The following MACF1 variants were observed in gnomAD, a reference collection of about 807,000 sequenced individuals.
The protein encoded by MACF1 is microtubule actin crosslinking factor 1.
MACF1 carries 193 observed loss-of-function variants against 854.8 expected under a neutral mutation model. That is an observed-to-expected ratio of 0.23 (90% CI 0.20 to 0.25). The LOEUF is 0.25. Among genes scored for constraint, MACF1 ranks in the 10% least tolerant of loss-of-function variants. The pLI, the probability that MACF1 is intolerant of heterozygous loss-of-function variation, is 1.00. For missense variants in MACF1, 7,722 were observed against 8,929.1 expected, an observed-to-expected ratio of 0.86 and a Z score of 5.45; for synonymous variants, 3,185 against 3,226.7, an observed-to-expected ratio of 0.99 and a Z score of 0.44.
Position 39,353,237 on chromosome 1 carries a change from G to A in MACF1, c.11424+6G>A, listed in dbSNP as rs1569651493. On this transcript the variant is annotated splice_donor_region_variant and intron_variant, in intron 44 of 100. Transcript: ENST00000564288. Reference sequence around the variant, plus strand: ...AGCAATGTGAGATGATGAAGGTAAGGGTGTTAGCTTATCCTCACTATGCTA... The same window carrying A: ...AGCAATGTGAGATGATGAAGGTAAGAGTGTTAGCTTATCCTCACTATGCTA... 2 of 1,587,586 alleles carry A rather than the reference G, an allele frequency of 1.3e-6. No homozygotes were observed. The highest frequency in any genetic ancestry group is 1.7e-5 in the Admixed American group (1 of 59,352).
At chr1:39,154,703 C>T (rs1029406924) in intron 2 of MACF1, among the ~76,000 whole-genome samples, 3 of 151,288 alleles carry the variant, frequency 2.0e-5, no homozygotes, top group African/African-American at 7.3e-5. Flanking sequence ...TGGGCTCTGT[C>T]CTTGAGCAGG....
chr1:39,458,412 C>T lies in MACF1; in HGVS notation c.21118C>T (p.Arg7040Trp), dbSNP rs955313721. ...GACTCGCAAACAGCCTGACGTGGAC[C>T]GGGTCACCAAGACATACAAAAGGAA... ...EMTRKQPDVDRVTKTYKRKNI... is the reference protein window; with the variant it reads ...EMTRKQPDVDWVTKTYKRKNI... The change falls in exon 90 of 101, where the codon CGG becomes TGG. Residue 7040 changes from arginine (R) to tryptophan (W), a missense_variant. This residue lies in a region of MACF1 where 729 missense variants were observed against 900.5 expected (regional missense o/e 0.81). Transcript: ENST00000564288. 1.1e-5 allele frequency: 17 copies of T among 1,613,822 alleles called. No individual in the cohort carries two copies. The highest frequency in any genetic ancestry group is 1.3e-5 in the African/African-American group (1 of 74,856).
rs544919219 is a variant in MACF1, at chr1:39,102,820, G to C, written c.220+18382G>C. ...AAGACCAAAAGGAGAAAGCCTCAGA[G>C]CTTTTGCGACTGTGTGGTCTGGCTA... On this transcript the variant is annotated intron_variant, in intron 2 of 93. Transcript: ENST00000361689. 60 of 702,580 alleles carry C rather than the reference G, an allele frequency of 8.5e-5. No individual in the cohort carries two copies. In the East Asian group the frequency reaches 1.5e-3, roughly 18 times the overall value. The allele number at this position is 702,580 out of a possible 1,614,324, so 43.5% of individuals were successfully genotyped here.
At chr1:39,192,446 T>C (rs958532110) in intron 2 of MACF1, among the ~76,000 whole-genome samples, 5 of 152,190 alleles carry the variant, frequency 3.3e-5, no homozygotes, top group African/African-American at 7.2e-5. Context: ...GACGATCCTG[T>C]TGAGGCAGCC....
At chr1:39,187,925 CT>C (rs1644197646) in intron 2 of MACF1, among the ~76,000 whole-genome samples, 1 of 143,878 alleles carries the variant, frequency 7.0e-6, no homozygotes, top group South Asian at 2.3e-4. Context: ...TTCCTTCCTT[CT>C]TTCCCCTTTC....
chr1:39,349,362 C>CCA (rs1200320600), intron 41 of MACF1, 116 bp from the exon 42 acceptor site: 1 of 1,043,116 alleles, frequency 9.6e-7, no homozygotes, highest in Non-Finnish European at 1.4e-6. Flanking sequence ...TTCTAGTCTC[C>CCA]CACCAACTTT....
At chr1:39,402,009 C>G (rs1042197431) in intron 58 of MACF1, among the ~76,000 whole-genome samples, 1 of 152,142 alleles carries the variant, frequency 6.6e-6, no homozygotes, top group Non-Finnish European at 1.5e-5. Flanking sequence ...GTCAGGAGTT[C>G]AAAACTAGCC....
chr1:39,298,377 G>A, intron 21 of MACF1, among the ~76,000 whole-genome samples: 1 of 152,240 alleles, frequency 6.6e-6, no homozygotes, highest in East Asian at 1.9e-4. Context: ...TATTTCTTCA[G>A]GAGTGCTGGT....
At chr1:39,249,792 T>C (rs1645020575) in intron 2 of MACF1, 1 of 420,816 alleles carries the variant, frequency 2.4e-6, no homozygotes, top group South Asian at 3.0e-5. Flanking sequence ...GAGTGTGTAA[T>C]AGATCTGGCA....
In MACF1 at chr1:39,429,292, TA is replaced by T; in HGVS notation, c.16859del (p.Asn5620MetfsTer6). 6.3e-7 allele frequency: 1 copy of T among 1,589,668 alleles called. No homozygotes were observed. Among genetic ancestry groups the T allele is most frequent in the Non-Finnish European group, 8.6e-7 (1 of 1,158,154 alleles). ...NRKKNVDQAIKNGQALLKQTT... is the reference protein window; with the variant it reads ...NRKKNVDQAIXNGQALLKQTT... ...GAAAGAAGAATGTAGATCAAGCTATTAAAAATGGTCAGGCTCTTCTAAAACA... is the reference window on the plus strand; with the variant it reads ...GAAAGAAGAATGTAGATCAAGCTATTAAAATGGTCAGGCTCTTCTAAAACA... On this transcript the variant is annotated frameshift_variant, in exon 64 of 101. Coordinates refer to ENST00000564288, the MANE Select transcript of MACF1 (RefSeq NM_001394062.1). LOFTEE classifies it high-confidence loss of function.
chr1:39,382,588 C>T (rs1036484196), intron 56 of MACF1, among the ~76,000 whole-genome samples: 4 of 151,288 alleles, frequency 2.6e-5, no homozygotes, highest in African/African-American at 9.7e-5. Flanking sequence ...CCTGAAATCC[C>T]AGCTACTTGG....
chr1:39,095,614 C>T (rs1331906826), intron 2 of MACF1, among the ~76,000 whole-genome samples: 2 of 147,952 alleles, frequency 1.4e-5, no homozygotes, highest in African/African-American at 5.0e-5. Context: ...AGAGTGGTGG[C>T]TCACACATAT....
rs761696935 is a variant in MACF1 at position 39,413,063 on chromosome 1, C to T, written c.15817-9311C>T. On this transcript the variant is annotated intron_variant, in intron 58 of 100. Transcript: ENST00000564288. Reference sequence around the variant, plus strand: ...GCAGTGTCCTCCCCAGAGGAGACTGCTCCAGCTGTTGCAGCAGCCATCACA... The same window carrying T: ...GCAGTGTCCTCCCCAGAGGAGACTGTTCCAGCTGTTGCAGCAGCCATCACA... 73 of 1,597,552 alleles carry T rather than the reference C, an allele frequency of 4.6e-5. No individual in the cohort carries two copies. The Admixed American group carries it at 1.2e-3, about 26-fold the overall frequency.
Position 39,270,653 on chromosome 1 carries a change from G to C in MACF1, c.529-11555G>C, listed in dbSNP as rs113705059. ...CCAATGGCTAAAGAACTTTTACTGG[G>C]ATGTTGGCCTCTGCAGCAGAAGAAA... On this transcript the variant is annotated intron_variant, in intron 6 of 100. Coordinates refer to ENST00000564288, the MANE Select transcript of MACF1 (RefSeq NM_001394062.1). 3.1e-3 allele frequency among the ~76,000 whole-genome samples: 469 copies of C among 152,240 alleles called. 3 individuals are homozygous for C. Among genetic ancestry groups the C allele is most frequent in the Middle Eastern group, 6.8e-3 (2 of 294 alleles).
intron 1 of MACF1, among the ~76,000 whole-genome samples, chr1:39,215,950 A>C (rs937768932): frequency 6.6e-6 from 1 of 152,136 alleles, no homozygotes; most frequent in Non-Finnish European, 1.5e-5. Flanking sequence ...TAAATAAGAG[A>C]GGCTAGGGGA....
At chr1:39,465,215 C>A in intron 95 of MACF1, 103 bp downstream of exon 95, 1 of 1,188,456 alleles carries the variant, frequency 8.4e-7, no homozygotes, top group Non-Finnish European at 1.3e-6. Flanking sequence ...TGAAGCATGC[C>A]TGGGTCGCAC....
rs763403413 is a variant in MACF1, at chr1:39,186,268, CT to C, written c.221-44900del. On this transcript the variant is annotated intron_variant, in intron 2 of 93. Transcript: ENST00000361689. ...TGTGTTTTGGTGGGGGGTGAAATGACTTTTTTTTTTTTTTAATTTGAGACAG... is the reference window on the plus strand; with the variant it reads ...TGTGTTTTGGTGGGGGGTGAAATGACTTTTTTTTTTTTTAATTTGAGACAG... Among the ~76,000 whole-genome samples the C allele has an allele frequency of 7.0e-3, 827 of 118,024 alleles. 5 individuals carry two copies. The highest frequency in any genetic ancestry group is 0.017 in the African/African-American group (538 of 30,908). The allele number at this position is 118,024 out of a possible 152,430, so 77.4% of individuals were successfully genotyped here.
In MACF1 at chr1:39,334,122, T is replaced by C; in HGVS notation, c.7534T>C (p.Ser2512Pro). 2 of 1,614,146 alleles carry C rather than the reference T, an allele frequency of 1.2e-6. No homozygotes were observed. The highest frequency in any genetic ancestry group is 1.7e-6 in the Non-Finnish European group (2 of 1,180,008). The stretch of plus-strand genomic sequence containing the variant: ...AGATGGAGGTATCATTCACCATATA[T>C]CTGGGATGAGACTTTCTGTTGATAA... ...VVDGGIIHHI[S>P]GMRLSVDNAF... The change falls in exon 37 of 101, where the codon TCT becomes CCT. Residue 2512 changes from serine (S) to proline (P), a missense_variant. Ser to Pro is a moderately conservative substitution (Grantham distance 74, BLOSUM62 -1). Transcript: ENST00000564288.
intron 1 of MACF1, among the ~76,000 whole-genome samples, chr1:39,225,643 G>T (rs1054693715): frequency 1.3e-5 from 2 of 152,170 alleles, no homozygotes; most frequent in Non-Finnish European, 2.9e-5. Flanking sequence ...TGCTGGTGGT[G>T]GGGAGTGGGC....
Sources: allele counts gnomAD v4.1 joint callset (sites outside exome capture counted in the v4.1 genomes callset), GRCh38; gene constraint gnomAD v4.1.1; regional missense constraint gnomAD v4.1.1; transcripts MANE v1.5; gene names NCBI Gene and HGNC (gene_info 2026-07-23, HGNC 2026-07-21).